The following CPQ variants were observed in gnomAD, a reference collection of about 807,000 sequenced individuals.
The protein encoded by CPQ is Ser-Met dipeptidase.
Under a neutral mutation model 45.7 loss-of-function variants are expected in CPQ, and 37 were observed. That is an observed-to-expected ratio of 0.81 (90% CI 0.62 to 1.07). The LOEUF is 1.07. Ranked by LOEUF, CPQ falls within the 50% of genes least tolerant of loss-of-function variation. The probability of loss-of-function intolerance (pLI) is 0.00; values close to 1 mark genes in which losing one functional copy is unlikely to be tolerated. For synonymous variants in CPQ, 186 were observed against 205.8 expected, an observed-to-expected ratio of 0.90 and a Z score of 0.82; for missense variants, 537 against 572.9, an observed-to-expected ratio of 0.94 and a Z score of 0.64.
chr8:96,817,221 A>G (rs1469303659), intron 2 of CPQ, among the ~76,000 whole-genome samples: 1 of 152,134 alleles, frequency 6.6e-6, no homozygotes, highest in Non-Finnish European at 1.5e-5. Flanking sequence ...TATAGCTTCT[A>G]CATTAGCACT....
chr8:97,112,619 C>A (rs1275680976), intron 7 of CPQ, among the ~76,000 whole-genome samples: 1 of 152,194 alleles, frequency 6.6e-6, no homozygotes, highest in East Asian at 1.9e-4. Context: ...GGACTTATAG[C>A]AAAGGGGAGC....
intron 5 of CPQ, among the ~76,000 whole-genome samples, chr8:97,008,147 A>T (rs1280957120): frequency 2.0e-5 from 3 of 152,214 alleles, no homozygotes; most frequent in African/African-American, 7.2e-5. Context: ...TTTAAAAAAA[A>T]AAATCCATTT....
intron 1 of CPQ, among the ~76,000 whole-genome samples, chr8:96,681,832 G>T (rs989905714): frequency 6.6e-6 from 1 of 152,316 alleles, no homozygotes; most frequent in African/African-American, 2.4e-5. Context: ...ACATCAGCAT[G>T]ACCTGGATGT....
Position 96,914,418 on chromosome 8 carries a change from T to C in CPQ, c.849+34413T>C, listed in dbSNP as rs1812705993. 2.0e-5 allele frequency among the ~76,000 whole-genome samples: 3 copies of C among 152,282 alleles called. No homozygotes were observed. In the South Asian group the frequency reaches 6.2e-4, roughly 32 times the overall value. On this transcript the variant is annotated intron_variant, in intron 4 of 7. Transcript: ENST00000220763. ...ATCCTTTTGTGGTACTTTCAGCAAG[T>C]ATTGGTGGTAGAAAATTAATAGATA...
chr8:96,714,689 C>T (rs1242631623), intron 1 of CPQ, among the ~76,000 whole-genome samples: 1 of 151,936 alleles, frequency 6.6e-6, no homozygotes, highest in African/African-American at 2.4e-5. Flanking sequence ...GCTACTGTGA[C>T]CTTTTGGGGG....
intron 7 of CPQ, among the ~76,000 whole-genome samples, chr8:97,072,306 T>C (rs954148777): frequency 6.6e-6 from 1 of 152,152 alleles, no homozygotes; most frequent in African/African-American, 2.4e-5. Flanking sequence ...TATCTGATCA[T>C]CCCTGCTCCT....
chr8:96,818,405 G>A (rs887847520), intron 2 of CPQ, among the ~76,000 whole-genome samples: 3 of 151,888 alleles, frequency 2.0e-5, no homozygotes, highest in African/African-American at 7.2e-5. Flanking sequence ...GAAAATTCTT[G>A]AAATATTGCA....
chr8:96,939,216 A>G (rs1208493296), intron 4 of CPQ, among the ~76,000 whole-genome samples: 2 of 152,240 alleles, frequency 1.3e-5, no homozygotes, highest in African/African-American at 2.4e-5. Flanking sequence ...TCAGGCAATC[A>G]GGCATTAGTT....
At chr8:96,933,844 C>T (rs191564931) in intron 4 of CPQ, among the ~76,000 whole-genome samples, 29 of 152,238 alleles carry the variant, frequency 1.9e-4, no homozygotes, top group African/African-American at 5.5e-4. Context: ...CCAGATAGTC[C>T]GGTTTCAAAT....
At chr8:96,899,094 A>G (rs1437763808) in intron 4 of CPQ, among the ~76,000 whole-genome samples, 2 of 152,188 alleles carry the variant, frequency 1.3e-5, no homozygotes, top group Non-Finnish European at 2.9e-5. Flanking sequence ...TCAAGAATTT[A>G]TATTCTAGTT....
chr8:97,090,562 C>T (rs1054058648), intron 7 of CPQ, among the ~76,000 whole-genome samples: 2 of 152,126 alleles, frequency 1.3e-5, no homozygotes, highest in Non-Finnish European at 2.9e-5. Flanking sequence ...TGTTTCTAAA[C>T]CACTCTCTAA....
At chr8:96,797,555 C>T (rs1810949098) in intron 2 of CPQ, among the ~76,000 whole-genome samples, 1 of 152,158 alleles carries the variant, frequency 6.6e-6, no homozygotes, top group African/African-American at 2.4e-5. Flanking sequence ...AAGGAGGTAT[C>T]TCCAAGGGCA....
chr8:96,693,413 T>A (rs964791045), intron 1 of CPQ, among the ~76,000 whole-genome samples: 2 of 151,966 alleles, frequency 1.3e-5, no homozygotes, highest in Non-Finnish European at 2.9e-5. Flanking sequence ...CTCAAGGCAT[T>A]TAATAGTCAA....
At position 96,822,799 on chromosome 8, in the gene CPQ, A is replaced by G. The variant is rs561622645; in HGVS notation, c.434-12174A>G. Among the ~76,000 whole-genome samples, 462 of 152,076 alleles carry G rather than the reference A, an allele frequency of 3.0e-3. 6 individuals carry two copies. Among genetic ancestry groups the G allele is most frequent in the African/African-American group, 0.01 (434 of 41,520 alleles). ...ATTCTTGTCTCCATTCTTCTTGTCC[A>G]TAGTTCGTTAGCATAAAATCCTTCA... On this transcript the variant is annotated intron_variant, in intron 2 of 7. Transcript: ENST00000220763.
rs149981793 is a variant in CPQ, at chr8:96,785,171, T to C, written c.274T>C (p.Tyr92His). Reference sequence around the variant, plus strand: ...CCTAGAAAAAGCCATCCAAATTATGTACCAAAACCTGCAGCAAGATGGGCT... The same window carrying C: ...CCTAGAAAAAGCCATCCAAATTATGCACCAAAACCTGCAGCAAGATGGGCT... Reference protein sequence around the residue: ...KNLEKAIQIMYQNLQQDGLEK... With the variant: ...KNLEKAIQIMHQNLQQDGLEK... Residue 92 changes from tyrosine (Y) to histidine (H), a missense_variant, in exon 2 of 8, where the codon TAC (tyrosine) becomes CAC (histidine). Coordinates refer to ENST00000220763, the MANE Select transcript of CPQ (RefSeq NM_016134.4). The C allele has an allele frequency of 1.2e-6, 2 of 1,613,614 alleles. No homozygotes were observed. Among genetic ancestry groups the C allele is most frequent in the East Asian group, 2.2e-5 (1 of 44,766 alleles).
intron 7 of CPQ, among the ~76,000 whole-genome samples, chr8:97,071,149 A>C (rs1282762547): frequency 6.6e-6 from 1 of 152,134 alleles, no homozygotes; most frequent in Non-Finnish European, 1.5e-5. Flanking sequence ...TAGACGGTGT[A>C]TTGCAAGGAG....
intron 7 of CPQ, among the ~76,000 whole-genome samples, chr8:97,129,037 G>A (rs1265235492): frequency 6.6e-6 from 1 of 152,200 alleles, no homozygotes; most frequent in Non-Finnish European, 1.5e-5. Context: ...CCCTAAACCA[G>A]CAGAGTGGTT....
intron 1 of CPQ, among the ~76,000 whole-genome samples, chr8:96,728,484 G>A (rs913492414): frequency 6.6e-6 from 1 of 151,986 alleles, no homozygotes; most frequent in African/African-American, 2.4e-5. Flanking sequence ...AGGAAAATAA[G>A]GTCTTTGACT....
chr8:96,723,673 C>A (rs111758401), intron 1 of CPQ, among the ~76,000 whole-genome samples: 2,460 of 152,140 alleles, frequency 0.016, 75 homozygotes, highest in African/African-American at 0.055. Flanking sequence ...GCTGTAGAAC[C>A]ACAGATTTTA....
Sources: gnomAD v4.1 joint callset for allele counts (sites outside exome capture counted in the v4.1 genomes callset) on GRCh38, gnomAD v4.1.1 for gene constraint, MANE v1.5 for transcripts, NCBI Gene and HGNC (gene_info 2026-07-23, HGNC 2026-07-21) for gene names.